MYO16: variants seen among roughly 807,000 people sequenced by gnomAD.
MYO16 encodes the protein unconventional myosin-XVI.
Under a neutral mutation model 205.3 loss-of-function variants are expected in MYO16, and 94 were observed. That is an observed-to-expected ratio of 0.46 (90% CI 0.39 to 0.54). The LOEUF (loss-of-function observed/expected upper bound fraction) is 0.54, where lower values mean the gene tolerates loss of function less well. MYO16 is among the 20% of genes least tolerant of loss of function. The probability of loss-of-function intolerance (pLI) is 0.00; values close to 1 mark genes in which losing one functional copy is unlikely to be tolerated. For missense variants in MYO16, 2,315 were observed against 2,387.5 expected (o/e 0.97, Z 0.63); for synonymous variants, 988 against 954.0 (o/e 1.04, Z -0.66).
intron 20 of MYO16, among the ~76,000 whole-genome samples, chr13:108,980,783 T>TA (rs1202317122): frequency 6.6e-6 from 1 of 152,248 alleles, no homozygotes; most frequent in Non-Finnish European, 1.5e-5. Flanking sequence ...GTTGTGAAGC[T>TA]ACGATTATTG....
chr13:108,553,973 A>G, the MYO16 span, among the ~76,000 whole-genome samples: 1 of 152,204 alleles, frequency 6.6e-6, no homozygotes, highest in South Asian at 2.1e-4. Context: ...TTCTGAAGGC[A>G]GGACGCATCC....
the MYO16 span, among the ~76,000 whole-genome samples, chr13:108,578,750 C>T: frequency 3.9e-5 from 6 of 152,210 alleles, no homozygotes; most frequent in East Asian, 5.8e-4. Context: ...AAGAGCATTG[C>T]GACATTTTCA....
intron 14 of MYO16, among the ~76,000 whole-genome samples, chr13:108,894,294 A>G (rs1211739551): frequency 3.3e-5 from 5 of 152,172 alleles, no homozygotes; most frequent in African/African-American, 1.2e-4. Flanking sequence ...GAGCCAAACC[A>G]TATCAGTGAG....
At chr13:108,749,077 A>G (rs536550392) in intron 4 of MYO16, among the ~76,000 whole-genome samples, 2 of 152,282 alleles carry the variant, frequency 1.3e-5, no homozygotes, top group African/African-American at 4.8e-5. Context: ...AGTGTACAAC[A>G]TGACGTTTTG....
At chr13:109,153,596 T>A (rs1408420775) in intron 32 of MYO16, among the ~76,000 whole-genome samples, 1 of 152,018 alleles carries the variant, frequency 6.6e-6, no homozygotes, top group Non-Finnish European at 1.5e-5. Context: ...CCATCTCTAC[T>A]AAAAGCACAA....
chr13:108,644,023 T>C (rs1398952159), intron 1 of MYO16, among the ~76,000 whole-genome samples: 1 of 152,188 alleles, frequency 6.6e-6, no homozygotes, highest in Non-Finnish European at 1.5e-5. Context: ...ACACAGAATA[T>C]TTCTGGGCTT....
At chr13:108,822,767 C>G (rs1428337651) in intron 8 of MYO16, among the ~76,000 whole-genome samples, 2 of 152,070 alleles carry the variant, frequency 1.3e-5, no homozygotes, top group Non-Finnish European at 2.9e-5. Context: ...GTAACTCTTT[C>G]TGTAATTTTG....
chr13:108,890,104 A>AT (rs60627565), intron 14 of MYO16, among the ~76,000 whole-genome samples: 23,135 of 95,110 alleles, frequency 0.24, 3,509 homozygotes, highest in East Asian at 0.48. Flanking sequence ...TAATTTTTGT[A>AT]TTTTTTTTTT....
At chr13:108,822,960 G>T (rs1876058339) in intron 8 of MYO16, among the ~76,000 whole-genome samples, 165 bp from the exon 9 acceptor site, 1 of 152,088 alleles carries the variant, frequency 6.6e-6, no homozygotes, top group Admixed American at 6.6e-5. Flanking sequence ...TAAAATGACA[G>T]TACTTCAATT....
chr13:108,578,406 T>C, the MYO16 span, among the ~76,000 whole-genome samples: 1 of 152,314 alleles, frequency 6.6e-6, no homozygotes, highest in Non-Finnish European at 1.5e-5. Flanking sequence ...ATGGGAGCAA[T>C]TATGCAAAAT....
intron 33 of MYO16, among the ~76,000 whole-genome samples, chr13:109,175,913 C>A (rs528922994): frequency 6.6e-6 from 1 of 151,890 alleles, no homozygotes; most frequent in East Asian, 1.9e-4. Context: ...CTTTGCTTAG[C>A]AATGTTCCCT....
intron 4 of MYO16, among the ~76,000 whole-genome samples, chr13:108,767,902 G>A (rs1885835177): frequency 1.3e-5 from 2 of 152,150 alleles, no homozygotes. Context: ...CCTTACCACT[G>A]TTTTATTCAT....
chr13:109,117,120 T>C (rs1217625619), intron 28 of MYO16, among the ~76,000 whole-genome samples: 7 of 142,042 alleles, frequency 4.9e-5, no homozygotes, highest in Admixed American at 1.4e-4. Context: ...TGCCACCTTC[T>C]GTGACTTATT....
At chr13:108,852,792 A>G (rs443079) in intron 10 of MYO16, among the ~76,000 whole-genome samples, 81,812 of 151,972 alleles carry the variant, frequency 0.54, 23,174 homozygotes, top group African/African-American at 0.72. Context: ...AATTTTCCTC[A>G]TATATTTAAT....
At chr13:108,717,032 C>A (rs1883969689) in intron 3 of MYO16, among the ~76,000 whole-genome samples, 1 of 151,662 alleles carries the variant, frequency 6.6e-6, no homozygotes, top group African/African-American at 2.4e-5. Flanking sequence ...GGCAGTTGGT[C>A]TCATGAGGCC....
chr13:109,153,779 G>C (rs1877820424), intron 32 of MYO16, among the ~76,000 whole-genome samples: 1 of 152,130 alleles, frequency 6.6e-6, no homozygotes, highest in Admixed American at 6.5e-5. Flanking sequence ...TGATTAATCT[G>C]GGCTGATTAA....
intron 10 of MYO16, among the ~76,000 whole-genome samples, chr13:108,847,850 CA>C (rs1877601374): frequency 6.6e-6 from 1 of 151,986 alleles, no homozygotes; most frequent in South Asian, 2.1e-4. Context: ...TGGGTTTTTT[CA>C]TTTTTTTCTT....
At chr13:108,975,545 C>CA (rs1884224024) in intron 20 of MYO16, among the ~76,000 whole-genome samples, 1 of 152,114 alleles carries the variant, frequency 6.6e-6, no homozygotes, top group Admixed American at 6.6e-5. Context: ...ACGCAGCCAT[C>CA]AGGAGCATCT....
chr13:108,874,722 T>G (rs560660954), intron 12 of MYO16, among the ~76,000 whole-genome samples: 23 of 148,714 alleles, frequency 1.5e-4, no homozygotes, highest in African/African-American at 5.4e-4. Flanking sequence ...ATTATTATTA[T>G]TATTATTATT....
Sources: gnomAD v4.1 joint callset for allele counts (sites outside exome capture counted in the v4.1 genomes callset) on GRCh38, gnomAD v4.1.1 for gene constraint, MANE v1.5 for transcripts, NCBI Gene and HGNC (gene_info 2026-07-23, HGNC 2026-07-21) for gene names.